GPHN: variants seen among roughly 807,000 people sequenced by gnomAD.
GPHN encodes gephyrin.
A neutral mutation model predicts 95.5 loss-of-function variants in GPHN; 17 were observed. The observed-to-expected ratio is 0.18, with a 90% CI of 0.12 to 0.27. The LOEUF is 0.27. Ranked by LOEUF, GPHN falls within the 10% of genes least tolerant of loss-of-function variation. The pLI, the probability that GPHN is intolerant of heterozygous loss-of-function variation, is 1.00. For synonymous variants in GPHN, 320 were observed against 322.5 expected (o/e 0.99, Z 0.08); for missense variants, 660 against 978.1 (o/e 0.67, Z 4.34).
At chr14:66,514,975 C>T (rs1390448548) in intron 1 of GPHN, among the ~76,000 whole-genome samples, 1 of 152,056 alleles carries the variant, frequency 6.6e-6, no homozygotes, top group Non-Finnish European at 1.5e-5. Context: ...AGTCATTTCA[C>T]CTCTCTGAAT....
the GPHN span, among the ~76,000 whole-genome samples, chr14:67,694,449 T>TACAC: frequency 1.7e-4 from 25 of 145,802 alleles, no homozygotes; most frequent in East Asian, 4.0e-4. Flanking sequence ...TATATATATA[T>TACAC]ATACACACAC....
chr14:66,829,349 A>G (rs1034925597), intron 4 of GPHN, among the ~76,000 whole-genome samples: 5 of 151,990 alleles, frequency 3.3e-5, no homozygotes, highest in African/African-American at 1.2e-4. Context: ...CGGCCTCCCA[A>G]AGTGCTGAGA....
chr14:67,334,129 G>GGAAAA, the GPHN span: 1 of 152,522 alleles, frequency 6.6e-6, no homozygotes, highest in African/African-American at 2.4e-5. Flanking sequence ...GAACATTTTA[G>GGAAAA]GAAAAGAATA....
At chr14:66,545,349 T>C (rs1460312484) in intron 1 of GPHN, among the ~76,000 whole-genome samples, 5 of 99,686 alleles carry the variant, frequency 5.0e-5, no homozygotes, top group African/African-American at 1.4e-4. Flanking sequence ...CCCCCCCACC[T>C]CCCTCCCGGA....
At chr14:66,666,027 C>T (rs1292363070) in intron 1 of GPHN, among the ~76,000 whole-genome samples, 2 of 149,770 alleles carry the variant, frequency 1.3e-5, no homozygotes, top group Non-Finnish European at 2.9e-5. Context: ...CGCATGTTCT[C>T]ACTCATAGGT....
At chr14:66,727,436 G>A (rs1387210631) in intron 2 of GPHN, among the ~76,000 whole-genome samples, 6 of 152,172 alleles carry the variant, frequency 3.9e-5, no homozygotes, top group Non-Finnish European at 8.8e-5. Context: ...GGAGGGCTCA[G>A]AAGAAGACAG....
intron 16 of GPHN, among the ~76,000 whole-genome samples, chr14:67,116,347 G>A (rs534732087): frequency 6.6e-6 from 1 of 151,532 alleles, no homozygotes; most frequent in African/African-American, 2.4e-5. Context: ...AAAGAAAAAG[G>A]GGAAGGGGAA....
At chr14:67,192,895 G>A in the GPHN span, among the ~76,000 whole-genome samples, 16 of 139,452 alleles carry the variant, frequency 1.1e-4, no homozygotes, top group Admixed American at 2.9e-4. Flanking sequence ...TCTAGATATC[G>A]ATATCTAGAT....
chr14:66,557,136 G>A (rs994706570), intron 1 of GPHN, among the ~76,000 whole-genome samples: 1 of 152,076 alleles, frequency 6.6e-6, no homozygotes, highest in Admixed American at 6.6e-5. Context: ...GAGCCCAGGA[G>A]TTTGAGGTGG....
At chr14:67,597,964 G>A in the GPHN span, among the ~76,000 whole-genome samples, 1 of 151,814 alleles carries the variant, frequency 6.6e-6, no homozygotes. Context: ...AAGGAATGAA[G>A]GGATGAAGAA....
At chr14:67,492,588 C>T in the GPHN span, among the ~76,000 whole-genome samples, 1 of 152,220 alleles carries the variant, frequency 6.6e-6, no homozygotes, top group Non-Finnish European at 1.5e-5. Context: ...GACCCTGCCC[C>T]TTTGTTGCCT....
the GPHN span, among the ~76,000 whole-genome samples, chr14:67,308,924 A>G: frequency 6.6e-6 from 1 of 152,158 alleles, no homozygotes; most frequent in Non-Finnish European, 1.5e-5. Flanking sequence ...AAAAACATGT[A>G]AATAAACTGA....
chr14:67,193,017 TATAG>T, the GPHN span, among the ~76,000 whole-genome samples: 1 of 146,264 alleles, frequency 6.8e-6, no homozygotes, highest in African/African-American at 2.5e-5. Flanking sequence ...AATATCTAGA[TATAG>T]ATATATCTCT....
chr14:67,718,976 AG>A, the GPHN span, among the ~76,000 whole-genome samples: 1 of 152,240 alleles, frequency 6.6e-6, no homozygotes, highest in Admixed American at 6.5e-5. Context: ...AATTGATAAA[AG>A]TTTATTGGAA....
At chr14:67,489,030 G>A in the GPHN span, among the ~76,000 whole-genome samples, 14 of 152,268 alleles carry the variant, frequency 9.2e-5, no homozygotes, top group East Asian at 2.7e-3. Flanking sequence ...CCAGGGGACA[G>A]GGGACATGAG....
intron 2 of GPHN, among the ~76,000 whole-genome samples, chr14:66,693,677 C>T (rs1419424791): frequency 6.6e-6 from 1 of 152,142 alleles, no homozygotes; most frequent in Admixed American, 6.6e-5. Context: ...CTTACTCAGC[C>T]TATGGACTCA....
chr14:67,335,323 GTACAGCC>G, the GPHN span: 1 of 152,196 alleles, frequency 6.6e-6, no homozygotes, highest in Non-Finnish European at 1.5e-5. Context: ...ACACCTAGTT[GTACAGCC>G]ACTCTGGCCA....
intron 2 of GPHN, among the ~76,000 whole-genome samples, chr14:66,761,835 T>C (rs1221189534): frequency 1.3e-5 from 2 of 152,084 alleles, no homozygotes; most frequent in Non-Finnish European, 2.9e-5. Flanking sequence ...AATTTCTTTG[T>C]ATTTTTAGTA....
chr14:66,892,209 G>A (rs2064549916), intron 5 of GPHN, among the ~76,000 whole-genome samples: 1 of 152,048 alleles, frequency 6.6e-6, no homozygotes, highest in South Asian at 2.1e-4. Context: ...GATCACTTGA[G>A]GCCAAGAGTT....
Sources: allele counts gnomAD v4.1 joint callset (sites outside exome capture counted in the v4.1 genomes callset), GRCh38; gene constraint gnomAD v4.1.1; transcripts MANE v1.5; gene names NCBI Gene and HGNC (gene_info 2026-07-23, HGNC 2026-07-21).